Variants in APBA2 observed in about 807,000 individuals in gnomAD.
The protein encoded by APBA2 is amyloid beta precursor protein binding family A member 2, also known as amyloid-beta A4 precursor protein-binding family A member 2.
In APBA2, 30 loss-of-function variants were observed where a neutral mutation model predicts 75.0. The observed-to-expected ratio is 0.40, with a 90% CI of 0.30 to 0.54. The LOEUF is 0.54. APBA2 is among the 20% of genes least tolerant of loss of function. The probability of loss-of-function intolerance (pLI) is 0.49; values close to 1 mark genes in which losing one functional copy is unlikely to be tolerated. For synonymous variants in APBA2, 444 were observed against 409.6 expected, an observed-to-expected ratio of 1.08 and a Z score of -1.01; for missense variants, 801 against 1,016.1, an observed-to-expected ratio of 0.79 and a Z score of 2.88.
At chr15:29,103,894 T>A (rs1361584995) in intron 10 of APBA2, among the ~76,000 whole-genome samples, 3 of 152,150 alleles carry the variant, frequency 2.0e-5, no homozygotes, top group African/African-American at 4.8e-5. Context: ...CCCCATCAGC[T>A]CGCCAACTCC....
intron 3 of APBA2, among the ~76,000 whole-genome samples, chr15:29,041,748 CTA>C (rs1389203048): frequency 1.3e-5 from 2 of 152,000 alleles, no homozygotes; most frequent in African/African-American, 4.8e-5. Context: ...ATTTAAAAAA[CTA>C]GATATTGATA....
At chr15:28,895,223 G>T (rs1178978253) in intron 1 of APBA2, among the ~76,000 whole-genome samples, 6 of 152,242 alleles carry the variant, frequency 3.9e-5, no homozygotes, top group Admixed American at 1.3e-4. Context: ...GCTCCAGTGT[G>T]CAGGGGTGTG....
chr15:29,039,460 A>G (rs914663276), intron 3 of APBA2, among the ~76,000 whole-genome samples: 6 of 152,028 alleles, frequency 3.9e-5, no homozygotes, highest in African/African-American at 7.2e-5. Context: ...CATTTTTGTC[A>G]TATTCATTAT....
At chr15:29,022,597 T>C (rs1283065496) in intron 3 of APBA2, among the ~76,000 whole-genome samples, 1 of 152,168 alleles carries the variant, frequency 6.6e-6, no homozygotes, top group African/African-American at 2.4e-5. Context: ...CTTTATCATA[T>C]GGTAAATCAT....
chr15:28,998,200 C>CT (rs397937522), intron 3 of APBA2, among the ~76,000 whole-genome samples: 12,233 of 132,230 alleles, frequency 0.093, 772 homozygotes, highest in East Asian at 0.18. Flanking sequence ...TCTTCTTTTT[C>CT]TTTTTTTTTT....
At chr15:29,106,043 C>A (rs1275607069) in intron 11 of APBA2, among the ~76,000 whole-genome samples, 1 of 152,216 alleles carries the variant, frequency 6.6e-6, no homozygotes, top group African/African-American at 2.4e-5. Context: ...ATGATTGTGT[C>A]TGCTGTGGAT....
At chr15:29,066,948 A>G (rs2042403692) in intron 4 of APBA2, among the ~76,000 whole-genome samples, 1 of 152,202 alleles carries the variant, frequency 6.6e-6, no homozygotes, top group Non-Finnish European at 1.5e-5. Flanking sequence ...TAGAGGAAGC[A>G]TAATACTAAC....
intron 6 of APBA2, among the ~76,000 whole-genome samples, chr15:29,076,681 T>A (rs2152926813): frequency 6.6e-6 from 1 of 152,208 alleles, no homozygotes; most frequent in East Asian, 1.9e-4. Context: ...AACCTCAGAG[T>A]AAAGAGCTTG....
chr15:29,090,499 T>C (rs1421948501), intron 6 of APBA2, among the ~76,000 whole-genome samples: 1 of 152,164 alleles, frequency 6.6e-6, no homozygotes, highest in Non-Finnish European at 1.5e-5. Flanking sequence ...GGGCAGTGCC[T>C]AGAAAGGTAG....
At chr15:29,106,203 G>A (rs370114524) in intron 11 of APBA2, among the ~76,000 whole-genome samples, 10 of 152,326 alleles carry the variant, frequency 6.6e-5, no homozygotes, top group African/African-American at 2.2e-4. Flanking sequence ...CCGGGGGCAG[G>A]ATATGGGTAT....
Position 29,117,827 on chromosome 15 carries a change from C to G in APBA2, c.*694C>G, listed in dbSNP as rs947533810. 2 of 138,400 alleles carry G rather than the reference C, an allele frequency of 1.4e-5. No homozygotes were observed. Among genetic ancestry groups the G allele is most frequent in the Non-Finnish European group, 2.9e-5 (2 of 67,808 alleles). 8.6% of individuals were successfully genotyped at this position (138,400 alleles called of 1,614,324 possible). On this transcript the variant is annotated 3_prime_UTR_variant, in exon 15 of 15. Coordinates refer to ENST00000683413, the MANE Select transcript of APBA2 (RefSeq NM_001353788.2). ...GACTAATGACCACACCTGCCTCTCC[C>G]GTCGTCTCTTCTGGGCACCCTCCCA...
chr15:29,006,134 AG>A (rs940478685), intron 3 of APBA2, among the ~76,000 whole-genome samples: 4 of 152,352 alleles, frequency 2.6e-5, no homozygotes, highest in African/African-American at 9.6e-5. Flanking sequence ...GGAAAGGAAG[AG>A]GTGAAATTTT....
At chr15:28,947,364 G>C (rs546044286) in intron 2 of APBA2, among the ~76,000 whole-genome samples, 4 of 152,320 alleles carry the variant, frequency 2.6e-5, no homozygotes, top group South Asian at 2.1e-4. Context: ...GGCGTGGCCT[G>C]GTGTGTGTGC....
At chr15:29,044,238 A>G (rs1408780748) in intron 3 of APBA2, 1 of 152,212 alleles carries the variant, frequency 6.6e-6, no homozygotes. Flanking sequence ...AAAGAAAAAC[A>G]TGGTTTAGAA....
chr15:28,941,791 C>T (rs578098712), intron 2 of APBA2, among the ~76,000 whole-genome samples: 2 of 152,358 alleles, frequency 1.3e-5, no homozygotes, highest in African/African-American at 2.4e-5. Context: ...GAGTCTCGCT[C>T]TTTCGCCCAG....
At chr15:29,116,815 G>C (rs2045201464) in intron 14 of APBA2, among the ~76,000 whole-genome samples, 1 of 152,130 alleles carries the variant, frequency 6.6e-6, no homozygotes. Flanking sequence ...TGGACTGGAA[G>C]CAAAACTAGC....
chr15:29,037,318 C>G (rs1184397231), intron 3 of APBA2, among the ~76,000 whole-genome samples: 1 of 152,132 alleles, frequency 6.6e-6, no homozygotes, highest in East Asian at 1.9e-4. Flanking sequence ...GCCCCTGCCT[C>G]CATTGGCTTA....
rs1382857615 is a variant in APBA2 at position 29,118,206 on chromosome 15, G to A, written c.*1073G>A. The stretch of plus-strand genomic sequence containing the variant: ...GTGACTTAAGAAGCCTTACCACGCA[G>A]TAACTAAAGCTTTAGGATGACTGTA... On this transcript the variant is annotated 3_prime_UTR_variant, in exon 15 of 15. Coordinates refer to ENST00000683413, the MANE Select transcript of APBA2 (RefSeq NM_001353788.2). The A allele has an allele frequency of 6.6e-6, 1 of 152,638 alleles. No homozygotes were observed. Among genetic ancestry groups the A allele is most frequent in the East Asian group, 1.9e-4 (1 of 5,196 alleles). The allele number at this position is 152,638 out of a possible 1,614,324, so 9.5% of individuals were successfully genotyped here. A position where few individuals can be genotyped will look rare whatever the true frequency, so the allele number is the denominator to read the frequency against.
chr15:29,071,106 G>T (rs1232593118), intron 4 of APBA2: 2 of 456,130 alleles, frequency 4.4e-6, no homozygotes, highest in South Asian at 1.6e-5. Context: ...CGGAGTGAGT[G>T]TGCACTAGTT....
Sources: allele counts gnomAD v4.1 joint callset (sites outside exome capture counted in the v4.1 genomes callset), GRCh38; gene constraint gnomAD v4.1.1; transcripts MANE v1.5; gene names NCBI Gene and HGNC (gene_info 2026-07-23, HGNC 2026-07-21).